The following AGK variants were observed in gnomAD, a reference collection of about 807,000 sequenced individuals.
The protein encoded by AGK is acylglycerol kinase, mitochondrial.
AGK carries 52 observed loss-of-function variants against 66.4 expected under a neutral mutation model. The ratio of observed to expected loss-of-function variants is 0.78; its 90% CI spans 0.63 to 0.99. AGK has a LOEUF of 0.99. AGK is among the 50% of genes least tolerant of loss of function. The probability of loss-of-function intolerance (pLI) is 0.00; values close to 1 mark genes in which losing one functional copy is unlikely to be tolerated. For missense variants in AGK, 451 were observed against 506.6 expected, an observed-to-expected ratio of 0.89 and a Z score of 1.05; for synonymous variants, 182 against 181.1, an observed-to-expected ratio of 1.00 and a Z score of -0.04.
At chr7:141,560,800 T>C (rs1205725839) in intron 2 of AGK, among the ~76,000 whole-genome samples, 3 of 148,632 alleles carry the variant, frequency 2.0e-5, no homozygotes, top group East Asian at 3.9e-4. Context: ...TCTTTCTTTT[T>C]TTTTTTTTTT....
At chr7:141,617,564 G>C (rs1247764676) in intron 8 of AGK, among the ~76,000 whole-genome samples, 1 of 152,118 alleles carries the variant, frequency 6.6e-6, no homozygotes, top group African/African-American at 2.4e-5. Context: ...AGTTACCACA[G>C]AGGAAAAAAG....
intron 9 of AGK, among the ~76,000 whole-genome samples, chr7:141,622,992 A>T (rs1444175514): frequency 2.6e-5 from 4 of 152,262 alleles, no homozygotes; most frequent in African/African-American, 9.6e-5. Flanking sequence ...AGATAGGCTG[A>T]AAACTAGGCC....
chr7:141,625,066 G>C (rs1401281680), intron 9 of AGK, among the ~76,000 whole-genome samples: 1 of 152,182 alleles, frequency 6.6e-6, no homozygotes, highest in Non-Finnish European at 1.5e-5. Flanking sequence ...TAAAGGCCTA[G>C]ATAATTGTTA....
intron 2 of AGK, among the ~76,000 whole-genome samples, chr7:141,588,595 G>A (rs1200505588): frequency 1.3e-5 from 2 of 151,564 alleles, no homozygotes; most frequent in African/African-American, 4.9e-5. Flanking sequence ...CAGCCTGGGG[G>A]ACAGAGTGAT....
intron 13 of AGK, among the ~76,000 whole-genome samples, chr7:141,644,093 C>CT (rs1323873349): frequency 8.2e-6 from 1 of 122,116 alleles, no homozygotes; most frequent in Non-Finnish European, 1.8e-5. Context: ...TATGTGAATG[C>CT]TAAAAAAAAA....
intron 2 of AGK, among the ~76,000 whole-genome samples, chr7:141,592,117 G>A (rs1467585139): frequency 6.6e-6 from 1 of 152,184 alleles, no homozygotes; most frequent in Non-Finnish European, 1.5e-5. Flanking sequence ...TGCAGGATAT[G>A]TATATTAGTT....
intron 13 of AGK, among the ~76,000 whole-genome samples, chr7:141,644,108 T>C (rs1162518561): frequency 6.7e-6 from 1 of 148,574 alleles, no homozygotes; most frequent in African/African-American, 2.5e-5. Flanking sequence ...AAAAAAAAAA[T>C]AGATTCTGTT....
intron 1 of AGK, among the ~76,000 whole-genome samples, chr7:141,554,488 C>T (rs1795165887): frequency 6.6e-6 from 1 of 151,424 alleles, no homozygotes; most frequent in African/African-American, 2.4e-5. Context: ...TGGGTTTTTT[C>T]CCCCATCAGT....
At chr7:141,552,788 G>A (rs1038563422) in intron 1 of AGK, among the ~76,000 whole-genome samples, 3 of 152,110 alleles carry the variant, frequency 2.0e-5, no homozygotes, top group African/African-American at 7.2e-5. Flanking sequence ...GTATAGGATC[G>A]AGGAAAGGAA....
intron 2 of AGK, among the ~76,000 whole-genome samples, chr7:141,578,719 T>C (rs1231891260): frequency 1.3e-5 from 2 of 151,818 alleles, no homozygotes; most frequent in Admixed American, 1.3e-4. Flanking sequence ...GAATGATTGG[T>C]GATGGCCTGG....
chr7:141,651,667 CCT>C, intron 15 of AGK, 58 bp downstream of exon 15: 1 of 1,481,272 alleles, frequency 6.8e-7, no homozygotes, highest in South Asian at 1.1e-5. Context: ...TCGGCCTGCC[CCT>C]CTGTGGTGTC....
In AGK at chr7:141,627,184, C is replaced by A. The variant is rs146023125; in HGVS notation, c.588+5383C>A. ...GAAGGTCCAGTAGCTGTTGTCAATT[C>A]TTGATCAGGGTTCTCTATTAAAAAA... is the stretch of plus-strand genomic sequence containing the variant. On this transcript the variant is annotated intron_variant, in intron 9 of 15. Coordinates refer to ENST00000649286, the MANE Select transcript of AGK (RefSeq NM_018238.4). 1.9e-4 allele frequency among the ~76,000 whole-genome samples: 29 copies of A among 152,254 alleles called. No individual in the cohort carries two copies. The East Asian group carries it at 5.4e-3, about 28-fold the overall frequency.
intron 2 of AGK, among the ~76,000 whole-genome samples, chr7:141,592,691 G>GT (rs1405000798): frequency 4.6e-5 from 7 of 151,828 alleles, no homozygotes; most frequent in Admixed American, 2.0e-4. Flanking sequence ...TTGTTATCAG[G>GT]TTTTTTTTGT....
intron 2 of AGK, among the ~76,000 whole-genome samples, chr7:141,559,505 A>G (rs1562957749): frequency 6.6e-6 from 1 of 152,076 alleles, no homozygotes; most frequent in South Asian, 2.1e-4. Flanking sequence ...CACTGTTTTG[A>G]TTACTATTGC....
At chr7:141,584,250 G>A (rs1054022903) in intron 2 of AGK, among the ~76,000 whole-genome samples, 1 of 152,110 alleles carries the variant, frequency 6.6e-6, no homozygotes, top group Non-Finnish European at 1.5e-5. Flanking sequence ...GGGTCACAAG[G>A]TGTTCAGTGG....
intron 1 of AGK, among the ~76,000 whole-genome samples, chr7:141,551,668 T>TC (rs1256298177): frequency 6.6e-6 from 1 of 152,158 alleles, no homozygotes; most frequent in Non-Finnish European, 1.5e-5. Context: ...CTCGCGCGGA[T>TC]CCCGTGGTCA....
At chr7:141,597,660 CA>C (rs1796254488) in intron 4 of AGK, among the ~76,000 whole-genome samples, 1 of 151,736 alleles carries the variant, frequency 6.6e-6, no homozygotes, top group Non-Finnish European at 1.5e-5. Flanking sequence ...CACTTGAGCC[CA>C]GGAGTTTGAG....
At chr7:141,577,019 G>A (rs546488942) in intron 2 of AGK, among the ~76,000 whole-genome samples, 20 of 152,152 alleles carry the variant, frequency 1.3e-4, no homozygotes, top group Admixed American at 1.0e-3. Flanking sequence ...CAGCCTGGGC[G>A]ACAGGGTGAG....
At chr7:141,599,909 A>G (rs1381750428) in intron 4 of AGK, among the ~76,000 whole-genome samples, 4 of 152,198 alleles carry the variant, frequency 2.6e-5, no homozygotes, top group Non-Finnish European at 4.4e-5. Context: ...TCTTGTGAAA[A>G]TTTGTGCAAG....
Sources: gnomAD v4.1 joint callset for allele counts (sites outside exome capture counted in the v4.1 genomes callset) on GRCh38, gnomAD v4.1.1 for gene constraint, MANE v1.5 for transcripts, NCBI Gene and HGNC (gene_info 2026-07-23, HGNC 2026-07-21) for gene names.